The following PLLP variants were observed in gnomAD, a reference collection of about 807,000 sequenced individuals.
The protein encoded by PLLP is plasma membrane proteolipid (plasmolipin).
In PLLP, 15 loss-of-function variants were observed where a neutral mutation model predicts 19.7. The observed-to-expected ratio is 0.76, with a 90% CI of 0.51 to 1.17. The LOEUF is 1.17. Ranked by LOEUF, PLLP falls within the 50% of genes most tolerant of loss-of-function variation. PLLP has a pLI of 0.00. For synonymous variants in PLLP, 111 were observed against 116.3 expected (o/e 0.95, Z 0.29); for missense variants, 255 against 258.3 (o/e 0.99, Z 0.09).
intron 2 of PLLP, 148 bp from the exon 3 acceptor site, chr16:57,258,732 G>A: frequency 1.4e-6 from 1 of 731,574 alleles, no homozygotes; most frequent in Non-Finnish European, 2.3e-6. Context: ...GACCAGCCTG[G>A]GGAACATAGG....
chr16:57,278,595 G>A (rs1193430790), intron 1 of PLLP, among the ~76,000 whole-genome samples: 5 of 152,090 alleles, frequency 3.3e-5, no homozygotes, highest in Non-Finnish European at 7.4e-5. Flanking sequence ...TCCCCCCCTT[G>A]CAGTAAGTGG....
chr16:57,271,368 GCA>G (rs1238724792), intron 1 of PLLP, among the ~76,000 whole-genome samples: 1 of 152,002 alleles, frequency 6.6e-6, no homozygotes, highest in African/African-American at 2.4e-5. Flanking sequence ...TCCCACCCGG[GCA>G]CGATGGCTCA....
chr16:57,273,651 C>T (rs1901108437), intron 1 of PLLP, among the ~76,000 whole-genome samples: 1 of 152,206 alleles, frequency 6.6e-6, no homozygotes, highest in Admixed American at 6.5e-5. Flanking sequence ...AAACAACAGC[C>T]ATGGGGATCT....
intron 3 of PLLP, 54 bp downstream of exon 3, chr16:57,258,408 G>C: frequency 1.3e-6 from 2 of 1,588,128 alleles, no homozygotes; most frequent in South Asian, 2.2e-5. Context: ...AGCAGCCTGA[G>C]TCCTGGGGCT....
intron 2 of PLLP, among the ~76,000 whole-genome samples, chr16:57,260,117 C>T (rs1224551966): frequency 6.6e-6 from 1 of 152,128 alleles, no homozygotes; most frequent in Non-Finnish European, 1.5e-5. Context: ...CCCTCCTGAC[C>T]CAATTTACTC....
intron 1 of PLLP, among the ~76,000 whole-genome samples, chr16:57,281,513 A>ATTTTTTTTTTTT (rs1901218261): frequency 5.7e-5 from 5 of 87,572 alleles, no homozygotes; most frequent in African/African-American, 1.1e-4. Flanking sequence ...TTTTTTTTTT[A>ATTTTTTTTTTTT]TTTCTTTTTT....
intron 3 of PLLP, among the ~76,000 whole-genome samples, chr16:57,257,631 T>C (rs1353700882): frequency 6.6e-6 from 1 of 152,156 alleles, no homozygotes; most frequent in Non-Finnish European, 1.5e-5. Context: ...CGCAGGATCC[T>C]GGGAGGAGAT....
chr16:57,269,764 T>C (rs2075468538), intron 1 of PLLP, among the ~76,000 whole-genome samples: 1 of 152,140 alleles, frequency 6.6e-6, no homozygotes, highest in South Asian at 2.1e-4. Context: ...TATATGGAAA[T>C]CAGCTATTTA....
At chr16:57,267,778 G>A (rs2075462106) in intron 1 of PLLP, among the ~76,000 whole-genome samples, 1 of 151,010 alleles carries the variant, frequency 6.6e-6, no homozygotes. Flanking sequence ...ACTTGGGAGA[G>A]GCAGGAGAAT....
chr16:57,259,208 AAG>A (rs1264432355), intron 2 of PLLP, among the ~76,000 whole-genome samples: 1 of 152,172 alleles, frequency 6.6e-6, no homozygotes, highest in African/African-American at 2.4e-5. Flanking sequence ...TCCTCACAGA[AAG>A]AGCCCAATCC....
intron 1 of PLLP, among the ~76,000 whole-genome samples, chr16:57,266,863 C>CTTT (rs34562097): frequency 8.2e-5 from 8 of 97,304 alleles, no homozygotes; most frequent in African/African-American, 1.5e-4. Flanking sequence ...GGCACAGGGC[C>CTTT]TTTTTTTTTT....
Position 57,284,476 on chromosome 16 carries a change from G to T in PLLP, c.65C>A (p.Ser22Ter), listed in dbSNP as rs760532096. The T allele has an allele frequency of 7.0e-7, 1 of 1,437,430 alleles. No homozygotes were observed. The highest frequency in any genetic ancestry group is 1.9e-4 in the Middle Eastern group (1 of 5,330). 89.0% of individuals were successfully genotyped at this position (1,437,430 alleles called of 1,614,324 possible). A position where few individuals can be genotyped will look rare whatever the true frequency, so the allele number is the denominator to read the frequency against. Residue 22 changes from serine to a stop codon, truncating the protein, a stop_gained, in exon 1 of 4, where the codon TCG becomes TAG. Coordinates refer to ENST00000219207, the MANE Select transcript of PLLP (RefSeq NM_015993.3). LOFTEE classifies it high-confidence loss of function. ...CAGGTCCGGGCGCAGCGCCGACACC[G>T]AGGCTTCGGCGCCCTGCGCAGGACT... ...TSSPAQGAEA[S>*]VSALRPDLGF...
chr16:57,269,516 G>A (rs1045277233), intron 1 of PLLP, among the ~76,000 whole-genome samples: 10 of 152,212 alleles, frequency 6.6e-5, no homozygotes, highest in African/African-American at 2.2e-4. Context: ...GTGAGCAGTC[G>A]TGAAGGCTAT....
chr16:57,273,662 G>A (rs1424197300), intron 1 of PLLP, among the ~76,000 whole-genome samples: 2 of 152,214 alleles, frequency 1.3e-5, no homozygotes, highest in South Asian at 2.1e-4. Flanking sequence ...ATGGGGATCT[G>A]TCAGATAATC....
intron 1 of PLLP, 59 bp from the exon 2 acceptor site, chr16:57,262,129 T>C: frequency 6.5e-7 from 1 of 1,533,472 alleles, no homozygotes; most frequent in South Asian, 1.1e-5. Context: ...CTTATCTAGC[T>C]AAGAAATACT....
intron 3 of PLLP, among the ~76,000 whole-genome samples, chr16:57,257,610 A>G (rs2075429910): frequency 6.6e-6 from 1 of 151,960 alleles, no homozygotes; most frequent in Non-Finnish European, 1.5e-5. Flanking sequence ...CCTCTCCCTC[A>G]CTGTGGGTGT....
intron 1 of PLLP, among the ~76,000 whole-genome samples, chr16:57,282,837 T>C (rs1208009837): frequency 2.0e-5 from 3 of 152,286 alleles, no homozygotes; most frequent in African/African-American, 7.2e-5. Context: ...GTGAAGTCTC[T>C]GCTCAAAAAC....
chr16:57,284,631 G>C lies in PLLP; in HGVS notation c.-91C>G. On this transcript the variant is annotated 5_prime_UTR_variant, in exon 1 of 4. Coordinates refer to ENST00000219207, the MANE Select transcript of PLLP (RefSeq NM_015993.3). ...GGCTCCCGCGCCGCTTTTCCCCCAGGCTCCGGATCCCTGTGTGGCTCCAGG... is the reference window on the plus strand; with the variant it reads ...GGCTCCCGCGCCGCTTTTCCCCCAGCCTCCGGATCCCTGTGTGGCTCCAGG... 8.3e-7 allele frequency: 1 copy of C among 1,200,688 alleles called. No individual in the cohort carries two copies. The highest frequency in any genetic ancestry group is 1.1e-6 in the Non-Finnish European group (1 of 944,490). 74.4% of individuals were successfully genotyped at this position (1,200,688 alleles called of 1,614,324 possible).
At chr16:57,271,465 G>C (rs1463056169) in intron 1 of PLLP, among the ~76,000 whole-genome samples, 1 of 151,966 alleles carries the variant, frequency 6.6e-6, no homozygotes, top group Non-Finnish European at 1.5e-5. Context: ...CCAACATGGT[G>C]AAACCCCGCC....
Sources: gnomAD v4.1 joint callset for allele counts (sites outside exome capture counted in the v4.1 genomes callset) on GRCh38, gnomAD v4.1.1 for gene constraint, MANE v1.5 for transcripts, NCBI Gene and HGNC (gene_info 2026-07-23, HGNC 2026-07-21) for gene names.